Variants in NXN observed in about 807,000 individuals in gnomAD.
NXN encodes the protein nucleoredoxin, also known as nucleoredoxin 1.
In NXN, 16 loss-of-function variants were observed where a neutral mutation model predicts 48.6. That is an observed-to-expected ratio of 0.33 (90% CI 0.22 to 0.50). The LOEUF is 0.50. Among genes scored for constraint, NXN ranks in the 20% least tolerant of loss-of-function variants. The pLI is 0.98. For synonymous variants in NXN, 281 were observed against 269.6 expected, an observed-to-expected ratio of 1.04 and a Z score of -0.41; for missense variants, 492 against 605.5, an observed-to-expected ratio of 0.81 and a Z score of 1.97.
intron 1 of NXN, among the ~76,000 whole-genome samples, chr17:942,702 T>C (rs2068991569): frequency 8.2e-6 from 1 of 122,116 alleles, no homozygotes; most frequent in African/African-American, 3.5e-5. Context: ...AGCCATGAAC[T>C]CACATCACAC....
rs142537864 is a variant in NXN at position 946,668 on chromosome 17, G to A, written c.360+32651C>T. ...AAAACCACGCTCCCCGTTAGCCTCG[G>A]CGCCTCACAGGGAAAAAGAATCGGC... is the stretch of plus-strand genomic sequence containing the variant. On this transcript the variant is annotated intron_variant, in intron 1 of 7. Transcript: ENST00000336868. Among the ~76,000 whole-genome samples the A allele has an allele frequency of 1.3e-3, 199 of 152,300 alleles. 1 individual carries two copies. The highest frequency in any genetic ancestry group is 4.5e-3 in the African/African-American group (187 of 41,576).
intron 1 of NXN, among the ~76,000 whole-genome samples, chr17:968,958 AAAAAG>A (rs903179276): frequency 2.0e-5 from 3 of 152,036 alleles, no homozygotes; most frequent in Non-Finnish European, 4.4e-5. Context: ...AGAAAGAAAG[AAAAAG>A]AAAAGAAAAG....
intron 1 of NXN, among the ~76,000 whole-genome samples, chr17:948,843 C>G (rs532753255): frequency 0.012 from 1,359 of 116,266 alleles, 77 homozygotes; most frequent in East Asian, 0.021. Flanking sequence ...TCCTCTCCCC[C>G]CTGCCTCCTC....
At position 863,517 on chromosome 17, in the gene NXN, G is replaced by A. The variant is rs112241179; in HGVS notation, c.361-37439C>T. Among the ~76,000 whole-genome samples the A allele has an allele frequency of 5.5e-3, 841 of 152,158 alleles. 8 individuals are homozygous for A. The highest frequency in any genetic ancestry group is 0.019 in the African/African-American group (804 of 41,478). On this transcript the variant is annotated intron_variant, in intron 1 of 7. Transcript: ENST00000336868. The stretch of plus-strand genomic sequence containing the variant: ...GCTCTGTCCCCCAGGCTGGAGAGCA[G>A]TGGTACAATCACATCTCACTGCCGC...
chr17:840,845 A>C (rs1368078730), intron 1 of NXN, among the ~76,000 whole-genome samples: 3 of 151,938 alleles, frequency 2.0e-5, no homozygotes, highest in Non-Finnish European at 4.4e-5. Flanking sequence ...CACACAGACG[A>C]CTCCCAGGAT....
At chr17:911,513 T>C (rs2068636376) in intron 1 of NXN, among the ~76,000 whole-genome samples, 1 of 151,944 alleles carries the variant, frequency 6.6e-6, no homozygotes, top group African/African-American at 2.4e-5. Flanking sequence ...GTATTTTTTG[T>C]AGAGATGGTG....
At chr17:812,050 C>T (rs563717143) in intron 5 of NXN, among the ~76,000 whole-genome samples, 1 of 151,228 alleles carries the variant, frequency 6.6e-6, no homozygotes, top group Admixed American at 6.6e-5. Context: ...GCCTCAGCCT[C>T]CCGAGTAGCT....
intron 1 of NXN, among the ~76,000 whole-genome samples, chr17:957,743 C>A (rs971161544): frequency 6.6e-6 from 1 of 152,164 alleles, no homozygotes; most frequent in African/African-American, 2.4e-5. Flanking sequence ...GAGGTCAAAC[C>A]TCCTTGGTAC....
chr17:845,774 C>G (rs540447815), intron 1 of NXN, among the ~76,000 whole-genome samples: 1 of 152,232 alleles, frequency 6.6e-6, no homozygotes, highest in South Asian at 2.1e-4. Context: ...AGAAAAGAAA[C>G]CAGGCAAATA....
At chr17:859,781 G>A (rs950230086) in intron 1 of NXN, among the ~76,000 whole-genome samples, 3 of 152,210 alleles carry the variant, frequency 2.0e-5, no homozygotes, top group African/African-American at 7.2e-5. Context: ...CCCTCAGGCC[G>A]TTCCAGACAC....
intron 1 of NXN, among the ~76,000 whole-genome samples, chr17:906,884 G>A (rs767536644): frequency 6.6e-6 from 1 of 151,932 alleles, no homozygotes. Flanking sequence ...GAAGTGTTCT[G>A]TATAGTCCTA....
chr17:956,570 C>G lies in NXN; in HGVS notation c.360+22749G>C, dbSNP rs551569347. Reference sequence around the variant, plus strand: ...CTGGGACTACAGGCGCCCGCCACCACGTCCGGCTAATTTTTTGTATTTTTA... The same window carrying G: ...CTGGGACTACAGGCGCCCGCCACCAGGTCCGGCTAATTTTTTGTATTTTTA... On this transcript the variant is annotated intron_variant, in intron 1 of 7. Transcript: ENST00000336868. This position sits in a 1 kb window ranked among gnomAD's most constrained non-coding sequence, Gnocchi z 4.1. Among the ~76,000 whole-genome samples the G allele has an allele frequency of 2.6e-5, 4 of 152,216 alleles. No individual in the cohort carries two copies. Among genetic ancestry groups the G allele is most frequent in the African/African-American group, 9.6e-5 (4 of 41,558 alleles).
chr17:848,470 G>A (rs890707593), intron 1 of NXN, among the ~76,000 whole-genome samples: 3 of 152,302 alleles, frequency 2.0e-5, no homozygotes, highest in East Asian at 1.9e-4. Context: ...GTACTGCTAC[G>A]GCTTAACACG....
intron 1 of NXN, among the ~76,000 whole-genome samples, chr17:841,689 G>GAGCATCT (rs1914325568): frequency 7.3e-6 from 1 of 136,104 alleles, no homozygotes; most frequent in African/African-American, 3.0e-5. Context: ...CCTGACCATG[G>GAGCATCT]CACATCTCAC....
rs527897634 is a variant in NXN, at chr17:809,933, G to A, written c.821-4686C>T. On this transcript the variant is annotated intron_variant, in intron 5 of 7. Coordinates refer to ENST00000336868, the MANE Select transcript of NXN (RefSeq NM_022463.5). ...CCGTGCACGTTAAGAGTCCGTGTGAGTGGCGTGTACGTTACGAGTCTGTGT... is the reference window on the plus strand; with the variant it reads ...CCGTGCACGTTAAGAGTCCGTGTGAATGGCGTGTACGTTACGAGTCTGTGT... Among the ~76,000 whole-genome samples the A allele has an allele frequency of 1.8e-4, 26 of 143,678 alleles. 5 individuals are homozygous for A. The South Asian group carries it at 3.6e-3, about 20-fold the overall frequency. The allele number at this position is 143,678 out of a possible 152,430, so 94.3% of individuals were successfully genotyped here. A position where few individuals can be genotyped will look rare whatever the true frequency, so the allele number is the denominator to read the frequency against.
chr17:823,822 C>T, intron 2 of NXN, 57 bp from the exon 3 acceptor site: 1 of 1,599,048 alleles, frequency 6.3e-7, no homozygotes, highest in Non-Finnish European at 8.5e-7. Flanking sequence ...TGACCTGGGA[C>T]CCAGGAGACT....
In NXN at chr17:831,267, C is replaced by T. The variant is rs984562783; in HGVS notation, c.361-5189G>A. ...CCGAGCCCAGGACTTCAAGACCAGC[C>T]TGGGCAACATAGTGAGACCCAGTTC... On this transcript the variant is annotated intron_variant, in intron 1 of 7. Transcript: ENST00000336868. Among the ~76,000 whole-genome samples, 41 of 152,026 alleles carry T rather than the reference C, an allele frequency of 2.7e-4. 1 individual carries two copies. Among genetic ancestry groups the T allele is most frequent in the African/African-American group, 9.9e-4 (41 of 41,454 alleles).
chr17:866,316 C>T (rs868546081), intron 1 of NXN, among the ~76,000 whole-genome samples: 114 of 152,116 alleles, frequency 7.5e-4, no homozygotes, highest in African/African-American at 2.6e-3. Context: ...GGCGCAGTGG[C>T]TCACACCTGT....
intron 1 of NXN, among the ~76,000 whole-genome samples, chr17:831,313 A>C (rs1187946512): frequency 6.6e-6 from 1 of 151,976 alleles, no homozygotes; most frequent in African/African-American, 2.4e-5. Context: ...AAAAAACTCC[A>C]CAAGTCTGAA....
Sources: allele counts gnomAD v4.1 joint callset (sites outside exome capture counted in the v4.1 genomes callset), GRCh38; gene constraint gnomAD v4.1.1; non-coding constraint Gnocchi (gnomAD v3.1); transcripts MANE v1.5; gene names NCBI Gene and HGNC (gene_info 2026-07-23, HGNC 2026-07-21).